IL1RAPL2: variants seen among roughly 807,000 people sequenced by gnomAD.
IL1RAPL2 encodes the protein interleukin 1 receptor accessory protein like 2.
A neutral mutation model predicts 44.1 loss-of-function variants in IL1RAPL2; 3 were observed. The observed-to-expected ratio is 0.07, with a 90% CI of 0.03 to 0.18. The LOEUF is 0.18. IL1RAPL2 is among the 10% of genes least tolerant of loss of function. The probability of loss-of-function intolerance (pLI) is 1.00; values close to 1 mark genes in which losing one functional copy is unlikely to be tolerated. For missense variants in IL1RAPL2, 391 were observed against 496.4 expected, an observed-to-expected ratio of 0.79 and a Z score of 2.02; for synonymous variants, 181 against 178.8, an observed-to-expected ratio of 1.01 and a Z score of -0.10.
intron 5 of IL1RAPL2, among the ~76,000 whole-genome samples, chrX:105,436,907 A>G (rs2035885592): frequency 9.1e-6 from 1 of 109,709 alleles, no homozygotes; most frequent in Admixed American, 9.9e-5. Context: ...CAGGAAGGGA[A>G]ATCTTACATG....
chrX:105,647,836 T>C (rs958954361), intron 6 of IL1RAPL2, among the ~76,000 whole-genome samples: 1 of 112,141 alleles, frequency 8.9e-6, no homozygotes, highest in African/African-American at 3.2e-5. Context: ...ACGGGTTCTT[T>C]AGCCCTCAGC....
intron 2 of IL1RAPL2, among the ~76,000 whole-genome samples, chrX:104,861,876 A>T (rs1922504213): frequency 2.7e-5 from 3 of 111,712 alleles, no homozygotes; most frequent in African/African-American, 9.7e-5. Flanking sequence ...TCTGAGGTTG[A>T]TTGAATCTGT....
At chrX:105,673,054 T>C (rs916813954) in intron 6 of IL1RAPL2, among the ~76,000 whole-genome samples, 1 of 111,445 alleles carries the variant, frequency 9.0e-6, no homozygotes, top group African/African-American at 3.3e-5. Context: ...TTTTTCAGCA[T>C]CATCTTATGT....
chrX:105,592,976 T>C (rs1286938562), intron 6 of IL1RAPL2, among the ~76,000 whole-genome samples: 1 of 112,038 alleles, frequency 8.9e-6, no homozygotes, highest in Admixed American at 9.5e-5. Context: ...TCTTGGCCTC[T>C]CTAATGAGGT....
chrX:105,007,306 T>C (rs2030960025), intron 2 of IL1RAPL2, among the ~76,000 whole-genome samples: 1 of 111,631 alleles, frequency 9.0e-6, no homozygotes, highest in Admixed American at 9.5e-5. Flanking sequence ...TATATAGTCC[T>C]ACATTCTTAT....
At chrX:104,916,565 TCTC>T (rs1924441890) in intron 2 of IL1RAPL2, among the ~76,000 whole-genome samples, 1 of 111,379 alleles carries the variant, frequency 9.0e-6, no homozygotes, top group Non-Finnish European at 1.9e-5. Flanking sequence ...TTTATTTCCT[TCTC>T]CTGCCTGATT....
intron 1 of IL1RAPL2, among the ~76,000 whole-genome samples, chrX:104,651,472 C>CT (rs932480038): frequency 2.7e-5 from 3 of 111,699 alleles, no homozygotes; most frequent in African/African-American, 6.5e-5. Flanking sequence ...CTCAAATCAA[C>CT]TTTTTTTGCC....
intron 1 of IL1RAPL2, among the ~76,000 whole-genome samples, chrX:104,656,925 C>T (rs767539009): frequency 3.2e-4 from 36 of 110,949 alleles, no homozygotes; most frequent in Non-Finnish European, 4.5e-4. Flanking sequence ...TTTACCATTA[C>T]GTAATGGCCT....
At chrX:105,597,616 T>A (rs1424333656) in intron 6 of IL1RAPL2, among the ~76,000 whole-genome samples, 1 of 111,276 alleles carries the variant, frequency 9.0e-6, no homozygotes, top group Admixed American at 9.6e-5. Context: ...CTTTTTTAAA[T>A]GACCAGACGT....
intron 2 of IL1RAPL2, among the ~76,000 whole-genome samples, chrX:104,780,360 T>A (rs1932764155): frequency 8.9e-6 from 1 of 112,112 alleles, no homozygotes; most frequent in Admixed American, 9.5e-5. Context: ...AGGACACAGA[T>A]CAAGCTAGAG....
chrX:104,909,136 T>C (rs1924139454), intron 2 of IL1RAPL2, among the ~76,000 whole-genome samples: 1 of 112,228 alleles, frequency 8.9e-6, no homozygotes, highest in South Asian at 3.7e-4. Flanking sequence ...TTGATCGCAT[T>C]GGCTCCTGAG....
At chrX:104,833,246 C>T (rs1921657961) in intron 2 of IL1RAPL2, among the ~76,000 whole-genome samples, 1 of 110,867 alleles carries the variant, frequency 9.0e-6, no homozygotes, top group South Asian at 3.8e-4. Context: ...CTCAAGTGAT[C>T]CTCCCACCTC....
intron 5 of IL1RAPL2, among the ~76,000 whole-genome samples, chrX:105,382,601 C>A (rs1415506823): frequency 1.9e-5 from 2 of 103,659 alleles, no homozygotes; most frequent in East Asian, 6.0e-4. Flanking sequence ...ACCATTTGAC[C>A]CAGCCATCCC....
intron 2 of IL1RAPL2, among the ~76,000 whole-genome samples, chrX:105,000,508 C>G (rs908064263): frequency 1.8e-5 from 2 of 111,122 alleles, no homozygotes. Context: ...ATTGTGCTGT[C>G]ATCCATCTCC....
chrX:105,127,473 G>GT (rs1249644175), intron 2 of IL1RAPL2, among the ~76,000 whole-genome samples: 1 of 111,211 alleles, frequency 9.0e-6, no homozygotes, highest in Non-Finnish European at 1.9e-5. Context: ...GTTGCATGTG[G>GT]TAGTTTTGTA....
intron 2 of IL1RAPL2, among the ~76,000 whole-genome samples, chrX:104,668,529 A>G (rs1038051106): frequency 4.5e-5 from 4 of 89,772 alleles, no homozygotes; most frequent in African/African-American, 1.7e-4. Flanking sequence ...TTCTGTTCAC[A>G]TGCTTTACAT....
At chrX:105,495,344 T>A (rs1367604612) in intron 6 of IL1RAPL2, among the ~76,000 whole-genome samples, 1 of 111,993 alleles carries the variant, frequency 8.9e-6, no homozygotes, top group Admixed American at 9.5e-5. Context: ...TAATGAAAAG[T>A]CTAGTCTTTA....
At chrX:105,407,927 C>CA (rs1027975052) in intron 5 of IL1RAPL2, among the ~76,000 whole-genome samples, 1 of 111,709 alleles carries the variant, frequency 9.0e-6, no homozygotes, top group Non-Finnish European at 1.9e-5. Context: ...ACTTCAAAAC[C>CA]AAAAAACCAA....
intron 2 of IL1RAPL2, among the ~76,000 whole-genome samples, chrX:105,152,180 T>TA (rs34992279): frequency 9.9e-5 from 11 of 110,789 alleles, no homozygotes; most frequent in Non-Finnish European, 1.5e-4. Context: ...GGTATCACTA[T>TA]AAAAAAAGTG....
Sources: allele counts gnomAD v4.1 joint callset (sites outside exome capture counted in the v4.1 genomes callset), GRCh38; gene constraint gnomAD v4.1.1; transcripts MANE v1.5; gene names NCBI Gene and HGNC (gene_info 2026-07-23, HGNC 2026-07-21).